Variants in MAGI2 observed in about 807,000 individuals in gnomAD.
MAGI2 encodes the protein membrane associated guanylate kinase, WW and PDZ domain containing 2, also known as membrane-associated guanylate kinase, WW and PDZ domain-containing protein 2.
In MAGI2, 35 loss-of-function variants were observed where a neutral mutation model predicts 133.3. The observed-to-expected ratio is 0.26, with a 90% CI of 0.20 to 0.35. MAGI2 has a LOEUF of 0.35. MAGI2 is among the 10% of genes least tolerant of loss of function. MAGI2 has a pLI of 1.00. For missense variants in MAGI2, 1,636 were observed against 1,863.4 expected (o/e 0.88, Z 2.25); for synonymous variants, 729 against 710.6 (o/e 1.03, Z -0.41).
At chr7:79,077,696 T>TATCC (rs1384095240) in intron 1 of MAGI2, among the ~76,000 whole-genome samples, 2 of 151,588 alleles carry the variant, frequency 1.3e-5, no homozygotes, top group African/African-American at 4.8e-5. Context: ...ATAATGGAAG[T>TATCC]ATCCATAATA....
chr7:79,166,505 C>T (rs1199611264), intron 1 of MAGI2, among the ~76,000 whole-genome samples: 1 of 152,086 alleles, frequency 6.6e-6, no homozygotes. Flanking sequence ...GCAGAGAACT[C>T]AGCTAACCAG....
chr7:78,977,357 G>C (rs901009721), intron 2 of MAGI2, among the ~76,000 whole-genome samples: 12 of 151,234 alleles, frequency 7.9e-5, no homozygotes, highest in African/African-American at 2.9e-4. Flanking sequence ...AAATGGTACA[G>C]GAACAATCAG....
At chr7:78,922,795 C>T (rs76108528) in intron 2 of MAGI2, among the ~76,000 whole-genome samples, 150,128 of 150,150 alleles carry the variant, frequency 1, 75,053 homozygotes, top group Middle Eastern at 1. Context: ...TTGAACTAGT[C>T]TACAGTCCCA....
chr7:78,859,088 C>T (rs1188710664), intron 2 of MAGI2, among the ~76,000 whole-genome samples: 1 of 151,262 alleles, frequency 6.6e-6, no homozygotes, highest in African/African-American at 2.4e-5. Context: ...TTTCCATTTG[C>T]TTGGTAGATC....
At chr7:78,980,906 G>A (rs1289871166) in intron 2 of MAGI2, among the ~76,000 whole-genome samples, 1 of 151,468 alleles carries the variant, frequency 6.6e-6, no homozygotes, top group Admixed American at 6.6e-5. Flanking sequence ...TGAATCACAG[G>A]TTAATTGTGT....
At chr7:78,443,759 T>C (rs1024321312) in intron 6 of MAGI2, among the ~76,000 whole-genome samples, 1 of 152,180 alleles carries the variant, frequency 6.6e-6, no homozygotes, top group Admixed American at 6.6e-5. Context: ...TACATCAGAC[T>C]ATGCAGTCAA....
At chr7:78,305,693 G>A (rs1007081865) in intron 9 of MAGI2, among the ~76,000 whole-genome samples, 3 of 152,118 alleles carry the variant, frequency 2.0e-5, no homozygotes, top group African/African-American at 7.2e-5. Context: ...AACTCCCTTT[G>A]CATTCTCCAA....
intron 6 of MAGI2, among the ~76,000 whole-genome samples, chr7:78,489,196 C>T (rs116279415): frequency 0.012 from 1,775 of 152,090 alleles, 35 homozygotes; most frequent in African/African-American, 0.041. Flanking sequence ...AAAGATTCTT[C>T]ACATGCACGA....
intron 20 of MAGI2, among the ~76,000 whole-genome samples, chr7:78,083,031 G>C (rs1816151908): frequency 6.6e-6 from 1 of 151,968 alleles, no homozygotes. Flanking sequence ...GTGGGGCAAG[G>C]GGTTCTCTTG....
intron 2 of MAGI2, among the ~76,000 whole-genome samples, chr7:78,935,601 G>T (rs1384127525): frequency 1.6e-4 from 25 of 151,990 alleles, no homozygotes; most frequent in African/African-American, 5.6e-4. Context: ...ACTCCTAAAG[G>T]TTCCCATCTT....
At chr7:78,422,223 T>A (rs1160829298) in intron 6 of MAGI2, among the ~76,000 whole-genome samples, 1 of 152,162 alleles carries the variant, frequency 6.6e-6, no homozygotes, top group Non-Finnish European at 1.5e-5. Context: ...ACAGAGTGCC[T>A]ATACCTTATG....
At position 79,378,926 on chromosome 7, in the gene MAGI2, GTATATATATATATATATATATATA is replaced by G. The variant is rs59388508; in HGVS notation, c.301+74070_301+74093del. ...CTTTTATATATATATATGTGTGTGT[GTATATATATATATATATATATATA>G]TATATATATATATATATATATTAAA... On this transcript the variant is annotated intron_variant, in intron 1 of 21. Transcript: ENST00000354212. 8.5e-3 allele frequency among the ~76,000 whole-genome samples: 806 copies of G among 94,570 alleles called. 12 individuals are homozygous for G. The highest frequency in any genetic ancestry group is 0.014 in the Non-Finnish European group (627 of 43,326). 62.0% of individuals were successfully genotyped at this position (94,570 alleles called of 152,430 possible).
chr7:79,274,138 T>C (rs1835070503), intron 1 of MAGI2, among the ~76,000 whole-genome samples: 1 of 152,112 alleles, frequency 6.6e-6, no homozygotes, highest in East Asian at 1.9e-4. Flanking sequence ...TTTTTAAATA[T>C]AAGTATGTCC....
At chr7:78,318,446 G>A (rs1033794520) in intron 9 of MAGI2, among the ~76,000 whole-genome samples, 3 of 152,010 alleles carry the variant, frequency 2.0e-5, no homozygotes, top group East Asian at 3.9e-4. Context: ...AAGGAACAAC[G>A]ATTCCAAGAC....
At chr7:79,309,633 G>A (rs1838085911) in intron 1 of MAGI2, among the ~76,000 whole-genome samples, 2 of 151,844 alleles carry the variant, frequency 1.3e-5, no homozygotes, top group African/African-American at 4.8e-5. Context: ...TATATAATCT[G>A]TCTATAAGTA....
chr7:78,765,343 CT>C (rs10672746), intron 2 of MAGI2, among the ~76,000 whole-genome samples: 24 of 89,068 alleles, frequency 2.7e-4, no homozygotes, highest in African/African-American at 5.6e-4. Flanking sequence ...TAGTGCACAT[CT>C]TTTTTTTTTT....
intron 9 of MAGI2, among the ~76,000 whole-genome samples, chr7:78,342,706 A>G (rs535574020): frequency 2.6e-5 from 4 of 152,272 alleles, no homozygotes; most frequent in Admixed American, 2.6e-4. Flanking sequence ...AACTAACACA[A>G]AAACAGAAAA....
At chr7:79,345,845 A>T (rs1315863406) in intron 1 of MAGI2, among the ~76,000 whole-genome samples, 2 of 152,068 alleles carry the variant, frequency 1.3e-5, no homozygotes, top group African/African-American at 4.8e-5. Flanking sequence ...TTCATTTTGC[A>T]TTCACTATTT....
chr7:78,998,667 T>TTTGTCA (rs1336636133), intron 2 of MAGI2, among the ~76,000 whole-genome samples: 1 of 152,198 alleles, frequency 6.6e-6, no homozygotes, highest in Non-Finnish European at 1.5e-5. Context: ...TTAGTATTCC[T>TTTGTCA]TTGTCATTGT....
Sources: allele counts gnomAD v4.1 joint callset (sites outside exome capture counted in the v4.1 genomes callset), GRCh38; gene constraint gnomAD v4.1.1; transcripts MANE v1.5; gene names NCBI Gene and HGNC (gene_info 2026-07-23, HGNC 2026-07-21).